The following TUBB3 variants were observed in gnomAD, a reference collection of about 807,000 sequenced individuals.
The protein encoded by TUBB3 is tubulin beta 3 class III, also known as tubulin beta-3 chain.
Under a neutral mutation model 37.8 loss-of-function variants are expected in TUBB3, and 17 were observed. The ratio of observed to expected loss-of-function variants is 0.45; its 90% CI spans 0.31 to 0.67. The LOEUF is 0.67. Ranked by LOEUF, TUBB3 falls within the 30% of genes least tolerant of loss-of-function variation. The probability of loss-of-function intolerance (pLI) is 0.07; values close to 1 mark genes in which losing one functional copy is unlikely to be tolerated. For missense variants in TUBB3, 262 were observed against 657.9 expected, an observed-to-expected ratio of 0.40 and a Z score of 6.58; for synonymous variants, 332 against 278.9, an observed-to-expected ratio of 1.19 and a Z score of -1.90.
rs1367342331 is a variant in TUBB3 at position 89,923,475 on chromosome 16, C to T, written c.57+17C>T. ...GGGGCCAAGGTGAGGCTGCGCGCCC[C>T]GGCCTGTCCCGGGCCCCGGGGCGGG... On this transcript the variant is annotated intron_variant, in intron 1 of 3. Coordinates refer to ENST00000315491, the MANE Select transcript of TUBB3 (RefSeq NM_006086.4). 2.1e-6 allele frequency: 3 copies of T among 1,455,498 alleles called. No homozygotes were observed. The highest frequency in any genetic ancestry group is 2.5e-4 in the Middle Eastern group (1 of 3,978). The allele number at this position is 1,455,498 out of a possible 1,614,324, so 90.2% of individuals were successfully genotyped here.
At chr16:89,922,183 G>A (rs2144396955), upstream of TUBB3, 1 of 152,490 alleles carries the variant, frequency 6.6e-6, no homozygotes. Context: ...GAGAGAGACA[G>A]GTACAGGTCC....
chr16:89,932,607 C>G lies in TUBB3; in HGVS notation c.94C>G (p.Pro32Ala), dbSNP rs2030317179. ...CATCAGTGATGAGCATGGCATCGAC[C>G]CCAGCGGCAACTACGTGGGCGACTC... is the stretch of plus-strand genomic sequence containing the variant. ...EVISDEHGID[P>A]SGNYVGDSDL... The change falls in exon 2 of 4, where the codon CCC becomes GCC. Residue 32 changes from proline to alanine, a missense_variant. Around this residue, in one of 3 missense-constraint regions of TUBB3, gnomAD observed 58 missense variants for 74.2 expected, o/e 0.78. Coordinates refer to ENST00000315491, the MANE Select transcript of TUBB3 (RefSeq NM_006086.4). The G allele has an allele frequency of 6.2e-7, 1 of 1,613,980 alleles. No individual in the cohort carries two copies. Among genetic ancestry groups the G allele is most frequent in the Non-Finnish European group, 8.5e-7 (1 of 1,180,044 alleles).
At chr16:89,926,218 TCCTCCGCGCGGGCTGCGGCACCG>T (rs1289361769) in intron 1 of TUBB3, among the ~76,000 whole-genome samples, 21 of 152,166 alleles carry the variant, frequency 1.4e-4, no homozygotes, top group Admixed American at 4.6e-4. Context: ...GGAGCCTTTG[TCCTCCGCGCGGGCTGCGGCACCG>T]CCTCCTCGCG....
chr16:89,933,023 G>A, intron 2 of TUBB3: 1 of 478,486 alleles, frequency 2.1e-6, no homozygotes, highest in East Asian at 4.2e-5. Context: ...GGGCTCTTTA[G>A]CAACTGGTGT....
At chr16:89,926,796 C>A (rs11641631) in intron 1 of TUBB3, among the ~76,000 whole-genome samples, 9,903 of 152,088 alleles carry the variant, frequency 0.065, 524 homozygotes, top group East Asian at 0.26. Context: ...CGGCTCATTG[C>A]AACCTCCACT....
rs1232797533 is a variant in TUBB3, at chr16:89,935,000, C to T, written c.549C>T (p.Tyr183=). The T allele has an allele frequency of 6.2e-7, 1 of 1,614,174 alleles. No individual in the cohort carries two copies. The highest frequency in any genetic ancestry group is 8.5e-7 in the Non-Finnish European group (1 of 1,180,028). The change falls in exon 4 of 4, where the codon TAC becomes TAT. Residue 183 remains tyrosine, a synonymous_variant. Transcript: ENST00000315491. ...TGTCAGACACGGTGGTGGAGCCCTA[C>T]AACGCCACGCTGTCCATCCACCAGC... ...PKVSDTVVEP[Y]NATLSIHQLV...
At chr16:89,926,835 A>G (rs1422904471) in intron 1 of TUBB3, among the ~76,000 whole-genome samples, 1 of 151,842 alleles carries the variant, frequency 6.6e-6, no homozygotes, top group Non-Finnish European at 1.5e-5. Context: ...CTCCTGCCTC[A>G]GCCTCCTGAG....
chr16:89,931,428 G>T (rs186475812), intron 1 of TUBB3, among the ~76,000 whole-genome samples: 4 of 152,332 alleles, frequency 2.6e-5, no homozygotes, highest in Admixed American at 2.6e-4. Flanking sequence ...GCCCTGGGAA[G>T]CCTCCCAGCG....
At chr16:89,930,831 CTTT>C (rs779118425) in intron 1 of TUBB3, among the ~76,000 whole-genome samples, 1 of 141,040 alleles carries the variant, frequency 7.1e-6, no homozygotes. Context: ...CGAGAGGCAT[CTTT>C]TTTTTTTTTT....
intron 1 of TUBB3, among the ~76,000 whole-genome samples, chr16:89,923,844 G>A (rs1174658121): frequency 6.6e-6 from 1 of 151,448 alleles, no homozygotes; most frequent in South Asian, 2.1e-4. Context: ...GGGTAGGCAG[G>A]TTTGGGTGGG....
At chr16:89,926,471 C>G (rs1043458983) in intron 1 of TUBB3, among the ~76,000 whole-genome samples, 1 of 152,268 alleles carries the variant, frequency 6.6e-6, no homozygotes, top group Non-Finnish European at 1.5e-5. Flanking sequence ...AAGCCCGGCC[C>G]CGCTTTCCCC....
At chr16:89,928,097 C>T (rs1312696359) in intron 1 of TUBB3, among the ~76,000 whole-genome samples, 1 of 152,116 alleles carries the variant, frequency 6.6e-6, no homozygotes, top group Non-Finnish European at 1.5e-5. Flanking sequence ...CAGGCTCTTA[C>T]TCTGTCGCCT....
intron 1 of TUBB3, among the ~76,000 whole-genome samples, chr16:89,924,661 G>A (rs1245322745): frequency 1.3e-5 from 2 of 152,116 alleles, no homozygotes; most frequent in African/African-American, 2.4e-5. Flanking sequence ...CAGCCACGTG[G>A]CTGACATGTA....
Position 89,923,523 on chromosome 16 carries a change from C to T in TUBB3, c.57+65C>T, listed in dbSNP as rs1051162623. The T allele has an allele frequency of 1.1e-5, 15 of 1,305,182 alleles. No individual in the cohort carries two copies. The African/African-American group carries it at 2.0e-4, about 18-fold the overall frequency. 80.9% of individuals were successfully genotyped at this position (1,305,182 alleles called of 1,614,324 possible). A position where few individuals can be genotyped will look rare whatever the true frequency, so the allele number is the denominator to read the frequency against. On this transcript the variant is annotated intron_variant, in intron 1 of 3. Transcript: ENST00000315491. The stretch of plus-strand genomic sequence containing the variant: ...GGGAGGAGGGAGGCGCCGTGCCCCG[C>T]GGGCCGCACCTCCAGCTGCCCCCGC...
intron 1 of TUBB3, among the ~76,000 whole-genome samples, chr16:89,924,433 T>G (rs1322372334): frequency 2.0e-5 from 3 of 149,422 alleles, no homozygotes; most frequent in Middle Eastern, 6.8e-3. Context: ...CCAAAGGATC[T>G]GCCCTCCGAA....
chr16:89,931,333 G>T (rs1175832644), intron 1 of TUBB3, among the ~76,000 whole-genome samples: 10 of 152,224 alleles, frequency 6.6e-5, no homozygotes, highest in Admixed American at 5.2e-4. Flanking sequence ...AGAGCCCCTT[G>T]TTTCTTGAGG....
intron 1 of TUBB3, among the ~76,000 whole-genome samples, chr16:89,926,616 C>T (rs537385711): frequency 2.1e-4 from 32 of 152,392 alleles, no homozygotes; most frequent in African/African-American, 7.2e-4. Context: ...CTCTGTCGCC[C>T]GGGCTGGCGT....
chr16:89,932,640 C>G lies in TUBB3; in HGVS notation c.127C>G (p.Gln43Glu), dbSNP rs1423741574. 2 of 1,613,986 alleles carry G rather than the reference C, an allele frequency of 1.2e-6. No individual in the cohort carries two copies. The highest frequency in any genetic ancestry group is 1.7e-6 in the Non-Finnish European group (2 of 1,180,026). The change falls in exon 2 of 4, where the codon CAG (glutamine) becomes GAG (glutamate). Residue 43 changes from glutamine to glutamate, a missense_variant. By Grantham distance (29) the Gln-to-Glu change is conservative. Transcript: ENST00000315491. ...CAACTACGTGGGCGACTCGGACTTG[C>G]AGCTGGAGCGGATCAGCGTCTACTA... ...SGNYVGDSDLQLERISVYYNE... is the reference protein window; with the variant it reads ...SGNYVGDSDLELERISVYYNE...
upstream of TUBB3, chr16:89,922,507 T>G (rs2966252): frequency 6.6e-6 from 1 of 152,368 alleles, no homozygotes; most frequent in Non-Finnish European, 1.5e-5. Context: ...CTGCACGCAG[T>G]CTCCGACCTC....
Sources: gnomAD v4.1 joint callset for allele counts (sites outside exome capture counted in the v4.1 genomes callset) on GRCh38, gnomAD v4.1.1 for gene constraint, gnomAD v4.1.1 regional missense constraint, MANE v1.5 for transcripts, NCBI Gene and HGNC (gene_info 2026-07-23, HGNC 2026-07-21) for gene names.